Variants in RAB40B observed in about 807,000 individuals in gnomAD.
The protein encoded by RAB40B is RAB40B, member RAS oncogene family.
RAB40B carries 21 observed loss-of-function variants against 24.0 expected under a neutral mutation model. That is an observed-to-expected ratio of 0.88 (90% CI 0.62 to 1.26). The LOEUF (loss-of-function observed/expected upper bound fraction) is 1.26, where lower values mean the gene tolerates loss of function less well. Ranked by LOEUF, RAB40B falls within the 50% of genes most tolerant of loss-of-function variation. RAB40B has a pLI of 0.00. For missense variants in RAB40B, 348 were observed against 390.5 expected, an observed-to-expected ratio of 0.89 and a Z score of 0.92; for synonymous variants, 167 against 169.8, an observed-to-expected ratio of 0.98 and a Z score of 0.13.
chr17:82,674,323 A>G (rs1334410074), intron 1 of RAB40B, among the ~76,000 whole-genome samples: 4 of 146,908 alleles, frequency 2.7e-5, no homozygotes, highest in Admixed American at 6.8e-5. Flanking sequence ...TGGGCAAAAA[A>G]GAGTGAAACT....
In RAB40B at chr17:82,698,459, CG is replaced by C; in HGVS notation, c.137del (p.Pro46ArgfsTer18). On this transcript the variant is annotated frameshift_variant, in exon 1 of 6. Transcript: ENST00000571995. LOFTEE classifies it high-confidence loss of function. Reference sequence around the variant, plus strand: ...ACGCCCTCCGCCCGCGCTCACCCGCCGGGTGGCCGTACGGGGACTCGGCCGC... The same window carrying C: ...ACGCCCTCCGCCCGCGCTCACCCGCCGGTGGCCGTACGGGGACTCGGCCGC... ...DGAAESPYGH[P>X]AGIDYKTTTI... 6.8e-7 allele frequency: 1 copy of C among 1,465,234 alleles called. No homozygotes were observed. The highest frequency in any genetic ancestry group is 9.1e-7 in the Non-Finnish European group (1 of 1,097,108). 90.8% of individuals were successfully genotyped at this position (1,465,234 alleles called of 1,614,324 possible).
At chr17:82,684,879 C>T (rs1056730599) in intron 1 of RAB40B, among the ~76,000 whole-genome samples, 2 of 152,062 alleles carry the variant, frequency 1.3e-5, no homozygotes, top group African/African-American at 2.4e-5. Context: ...TCTGGGAGGT[C>T]GAGGCGGGTG....
At position 82,663,974 on chromosome 17, in the gene RAB40B, T is replaced by C. The variant is rs2046210369; in HGVS notation, c.203+522A>G. ...GGGCTGGGGGTGCTCCCCGGGGCGC[T>C]GTGCCGACGGTGGTGGTGGGAGGGT... On this transcript the variant is annotated intron_variant, in intron 2 of 5. Coordinates refer to ENST00000571995, the MANE Select transcript of RAB40B (RefSeq NM_006822.3). This position sits in a 1 kb window ranked among gnomAD's most constrained non-coding sequence, Gnocchi z 6.2. Among the ~76,000 whole-genome samples, 1 of 148,796 alleles carries C rather than the reference T, an allele frequency of 6.7e-6. No homozygotes were observed. The highest frequency in any genetic ancestry group is 6.7e-5 in the Admixed American group (1 of 14,980).
chr17:82,660,431 C>T (rs937904176), intron 3 of RAB40B, among the ~76,000 whole-genome samples: 15 of 151,334 alleles, frequency 9.9e-5, no homozygotes, highest in African/African-American at 2.4e-4. Context: ...TGTAAACACA[C>T]GCACAGGCAC....
At chr17:82,680,375 G>A (rs528617816) in intron 1 of RAB40B, among the ~76,000 whole-genome samples, 6 of 152,168 alleles carry the variant, frequency 3.9e-5, no homozygotes, top group Non-Finnish European at 7.4e-5. Flanking sequence ...GGGGCCGCTC[G>A]GGGGACGGGA....
chr17:82,684,110 ACTCGGGAGG>A (rs1377620099), intron 1 of RAB40B, among the ~76,000 whole-genome samples: 2 of 150,978 alleles, frequency 1.3e-5, no homozygotes, highest in South Asian at 2.1e-4. Context: ...AATCCCAGCT[ACTCGGGAGG>A]CTGAGGCAGG....
Position 82,698,502 on chromosome 17 carries a change from G to A in RAB40B, c.95C>T (p.Ala32Val). ...CTCGGCCGCGCCATCCTGCAGGCTC[G>A]CCAGGATCTCGCCCTTGCCCACGTC... The part of the protein sequence containing the change: ...DSDVGKGEIL[A>V]SLQDGAAESP... Residue 32 changes from alanine (A) to valine (V), a missense_variant, in exon 1 of 6, where the codon GCG becomes GTG. Physicochemically the swap from Ala to Val is moderately conservative, Grantham distance 64. Coordinates refer to ENST00000571995, the MANE Select transcript of RAB40B (RefSeq NM_006822.3). The A allele has an allele frequency of 1.3e-6, 2 of 1,515,932 alleles. No individual in the cohort carries two copies. Among genetic ancestry groups the A allele is most frequent in the South Asian group, 1.2e-5 (1 of 84,340 alleles). The allele number at this position is 1,515,932 out of a possible 1,614,324, so 93.9% of individuals were successfully genotyped here.
chr17:82,695,175 A>ATCTTTCTT (rs375316050), intron 1 of RAB40B, among the ~76,000 whole-genome samples: 52 of 149,746 alleles, frequency 3.5e-4, no homozygotes, highest in African/African-American at 1.3e-3. Context: ...GAACGCCCTC[A>ATCTTTCTT]TCTTTCTTTC....
At chr17:82,676,025 C>T (rs987604416) in intron 1 of RAB40B, among the ~76,000 whole-genome samples, 3 of 152,122 alleles carry the variant, frequency 2.0e-5, no homozygotes, top group African/African-American at 7.2e-5. Context: ...GACGCTGCAG[C>T]CTGGGGCCTG....
chr17:82,679,437 A>T (rs1241303609), intron 1 of RAB40B, among the ~76,000 whole-genome samples: 8 of 151,158 alleles, frequency 5.3e-5, no homozygotes, highest in African/African-American at 2.0e-4. Flanking sequence ...GCCTGCCACC[A>T]CGCCCAGCTA....
rs768174080 is a variant in RAB40B, at chr17:82,661,010, G to A, written c.241C>T (p.Arg81Cys). ...SGQGRFCTIF[R>C]SYSRGAQGVI... is the part of the protein sequence containing the mutation. The stretch of plus-strand genomic sequence containing the variant: ...ACCTGTGCGCCCCGGGAGTAGGAGC[G>A]GAATATGGTACAAAATCTTCCCTGG... Residue 81 changes from arginine to cysteine, a missense_variant, in exon 3 of 6, where the codon CGC (arginine) becomes TGC (cysteine). This residue lies in a region of RAB40B where 126 missense variants were observed against 181.0 expected (regional missense o/e 0.70). Coordinates refer to ENST00000571995, the MANE Select transcript of RAB40B (RefSeq NM_006822.3). 12 of 1,613,886 alleles carry A rather than the reference G, an allele frequency of 7.4e-6. No individual in the cohort carries two copies. The highest frequency in any genetic ancestry group is 1.1e-5 in the South Asian group (1 of 91,072).
chr17:82,664,670 G>T, intron 1 of RAB40B, 114 bp from the exon 2 acceptor site: 1 of 1,043,404 alleles, frequency 9.6e-7, no homozygotes, highest in Non-Finnish European at 1.4e-6. Context: ...AGGTTTACAA[G>T]GCAGGCGGAT....
intron 3 of RAB40B, among the ~76,000 whole-genome samples, chr17:82,660,379 G>A (rs1364171395): frequency 2.7e-5 from 4 of 150,352 alleles, no homozygotes; most frequent in South Asian, 2.1e-4. Flanking sequence ...AGGCACTCAT[G>A]CACAGATGCA....
rs1208898854 is a variant in RAB40B at position 82,698,451 on chromosome 17, T to A, written c.142+4A>T. ...ACCCCGGCACGCCCTCCGCCCGCGCTCACCCGCCGGGTGGCCGTACGGGGA... is the reference window on the plus strand; with the variant it reads ...ACCCCGGCACGCCCTCCGCCCGCGCACACCCGCCGGGTGGCCGTACGGGGA... On this transcript the variant is annotated splice_donor_region_variant and intron_variant, in intron 1 of 5. Transcript: ENST00000571995. 18 of 1,415,298 alleles carry A rather than the reference T, an allele frequency of 1.3e-5. No homozygotes were observed. The highest frequency in any genetic ancestry group is 1.7e-5 in the Non-Finnish European group (18 of 1,071,692). 87.7% of individuals were successfully genotyped at this position (1,415,298 alleles called of 1,614,324 possible).
At chr17:82,698,359 C>A in intron 1 of RAB40B, 96 bp downstream of exon 1, 1 of 672,528 alleles carries the variant, frequency 1.5e-6, no homozygotes. Flanking sequence ...GGTCTCGCGT[C>A]CCCGGACCCG....
intron 1 of RAB40B, 53 bp downstream of exon 1, chr17:82,698,393 CAGCCCCGCG>C: frequency 7.3e-6 from 6 of 822,170 alleles, no homozygotes; most frequent in Non-Finnish European, 9.4e-6. Context: ...ACCCCCTCCC[CAGCCCCGCG>C]CCCCTCCCCG....
chr17:82,659,352 C>G (rs1358777293), intron 4 of RAB40B: 10 of 549,700 alleles, frequency 1.8e-5, no homozygotes, highest in Admixed American at 3.3e-5. Context: ...CGTGGACGCT[C>G]GTTTCGTCTG....
chr17:82,673,622 G>C (rs2046362827), intron 1 of RAB40B, among the ~76,000 whole-genome samples: 1 of 152,210 alleles, frequency 6.6e-6, no homozygotes, highest in African/African-American at 2.4e-5. Flanking sequence ...AACACGTTCA[G>C]TCATTCCAGA....
At chr17:82,685,202 G>A (rs1289400010) in intron 1 of RAB40B, among the ~76,000 whole-genome samples, 1 of 142,446 alleles carries the variant, frequency 7.0e-6, no homozygotes, top group East Asian at 2.2e-4. Context: ...AGAGGAAGCG[G>A]GAGAGGAAAG....
Sources: allele counts gnomAD v4.1 joint callset (sites outside exome capture counted in the v4.1 genomes callset), GRCh38; gene constraint gnomAD v4.1.1; regional missense constraint gnomAD v4.1.1; non-coding constraint Gnocchi (gnomAD v3.1); transcripts MANE v1.5; gene names NCBI Gene and HGNC (gene_info 2026-07-23, HGNC 2026-07-21).